The following SBF2 variants were observed in gnomAD, a reference collection of about 807,000 sequenced individuals.
SBF2 encodes SET binding factor 2.
Under a neutral mutation model 225.2 loss-of-function variants are expected in SBF2, and 112 were observed. That is an observed-to-expected ratio of 0.50 (90% CI 0.43 to 0.58). The LOEUF is 0.58. SBF2 is among the 20% of genes least tolerant of loss of function. SBF2 has a pLI of 0.00. For synonymous variants in SBF2, 763 were observed against 773.3 expected, an observed-to-expected ratio of 0.99 and a Z score of 0.22; for missense variants, 1,996 against 2,206.2, an observed-to-expected ratio of 0.90 and a Z score of 1.91.
chr11:10,180,995 G>GA (rs1009807669), intron 2 of SBF2, among the ~76,000 whole-genome samples: 24 of 151,840 alleles, frequency 1.6e-4, no homozygotes, highest in Non-Finnish European at 2.9e-4. Flanking sequence ...TCTATCTTTG[G>GA]AAAAAATAAA....
intron 16 of SBF2, among the ~76,000 whole-genome samples, chr11:9,931,953 A>C (rs1275200983): frequency 2.6e-5 from 4 of 152,250 alleles, no homozygotes; most frequent in Non-Finnish European, 5.9e-5. Context: ...GATGGAGCTG[A>C]AAACCATGGC....
chr11:9,826,891 T>C (rs893671520), intron 28 of SBF2, among the ~76,000 whole-genome samples: 2 of 151,988 alleles, frequency 1.3e-5, no homozygotes, highest in Non-Finnish European at 2.9e-5. Flanking sequence ...CTTGGCTCTA[T>C]GCAACCTCTG....
chr11:10,098,711 ACAC>A (rs1952153447), intron 2 of SBF2, among the ~76,000 whole-genome samples: 1 of 151,358 alleles, frequency 6.6e-6, no homozygotes, highest in Non-Finnish European at 1.5e-5. Context: ...ACACACACAC[ACAC>A]ACACACGAAA....
intron 8 of SBF2, among the ~76,000 whole-genome samples, chr11:9,999,806 G>A (rs1053828676): frequency 2.0e-5 from 3 of 152,084 alleles, no homozygotes; most frequent in African/African-American, 7.2e-5. Context: ...ATGACTATAC[G>A]AATGAAAGTC....
intron 3 of SBF2, among the ~76,000 whole-genome samples, chr11:10,038,506 T>C (rs1337619879): frequency 6.6e-6 from 1 of 151,972 alleles, no homozygotes; most frequent in Admixed American, 6.6e-5. Context: ...CTGAGTCTTT[T>C]AAACTCTGTA....
intron 1 of SBF2, among the ~76,000 whole-genome samples, chr11:10,290,396 TG>T (rs1964087075): frequency 6.6e-6 from 1 of 151,996 alleles, no homozygotes; most frequent in Non-Finnish European, 1.5e-5. Context: ...AGCAACTCAC[TG>T]GGGTGTGTCA....
At position 10,206,730 on chromosome 11, in the gene SBF2, G is replaced by A. The variant is rs762969451; in HGVS notation, c.56-12743C>T. On this transcript the variant is annotated intron_variant, in intron 1 of 39. Coordinates refer to ENST00000256190, the MANE Select transcript of SBF2 (RefSeq NM_030962.4). ...CTCACTGGATGGTTTCAATAGTAGAGTGAAAATGGCATAGCATAGAATCAG... is the reference window on the plus strand; with the variant it reads ...CTCACTGGATGGTTTCAATAGTAGAATGAAAATGGCATAGCATAGAATCAG... Among the ~76,000 whole-genome samples the A allele has an allele frequency of 7.2e-5, 11 of 152,056 alleles. 1 individual carries two copies. Among genetic ancestry groups the A allele is most frequent in the Non-Finnish European group, 1.5e-4 (10 of 68,002 alleles).
intron 16 of SBF2, among the ~76,000 whole-genome samples, chr11:9,909,389 C>T (rs1432901910): frequency 2.0e-5 from 3 of 151,718 alleles, no homozygotes; most frequent in African/African-American, 7.3e-5. Flanking sequence ...TACCCTGAGG[C>T]GGCTGGGCGC....
chr11:10,181,985 A>C (rs938318656), intron 2 of SBF2, among the ~76,000 whole-genome samples: 6 of 152,184 alleles, frequency 3.9e-5, no homozygotes, highest in African/African-American at 7.2e-5. Flanking sequence ...CATAAGTACC[A>C]CTAGAGGCCA....
intron 2 of SBF2, among the ~76,000 whole-genome samples, chr11:10,114,527 T>A (rs1469212383): frequency 1.3e-5 from 2 of 152,226 alleles, no homozygotes; most frequent in African/African-American, 4.8e-5. Flanking sequence ...TTCCTTCATA[T>A]TATGTAAGTC....
chr11:10,284,222 T>C (rs991698141), intron 1 of SBF2, among the ~76,000 whole-genome samples: 1 of 152,202 alleles, frequency 6.6e-6, no homozygotes, highest in African/African-American at 2.4e-5. Context: ...CAGGATATCA[T>C]ACAATCCACC....
chr11:10,037,320 T>TA, intron 3 of SBF2, among the ~76,000 whole-genome samples: 1 of 152,306 alleles, frequency 6.6e-6, no homozygotes, highest in South Asian at 2.1e-4. Flanking sequence ...TGAATTATGT[T>TA]ACGCATGCTA....
At position 10,303,850 on chromosome 11, in the gene SBF2, A is replaced by G. The variant is rs1017141496; in HGVS notation, n.386+642T>C. The G allele has an allele frequency of 6.6e-6, 1 of 152,344 alleles. No individual in the cohort carries two copies. The highest frequency in any genetic ancestry group is 2.4e-5 in the African/African-American group (1 of 41,462). 9.4% of individuals were successfully genotyped at this position (152,344 alleles called of 1,614,324 possible). A position where few individuals can be genotyped will look rare whatever the true frequency, so the allele number is the denominator to read the frequency against. On this transcript the variant is annotated intron_variant and non_coding_transcript_variant, in intron 1 of 5. Transcript: ENST00000685217. The surrounding 1 kb of genome is among the most constrained non-coding windows in gnomAD (Gnocchi z 5.2). Reference sequence around the variant, plus strand: ...CCAGGAGAGAAGTAAGAAAGAGAAGAAGCTGTGATGAAAGAGCACAAACGG... The same window carrying G: ...CCAGGAGAGAAGTAAGAAAGAGAAGGAGCTGTGATGAAAGAGCACAAACGG...
intron 28 of SBF2, chr11:9,828,507 C>T (rs1354425853): frequency 2.0e-6 from 2 of 985,316 alleles, no homozygotes; most frequent in African/African-American, 3.5e-5. Context: ...CCACTTTCTG[C>T]TTATGTTGAG....
intron 2 of SBF2, among the ~76,000 whole-genome samples, chr11:10,070,138 T>C (rs187676620): frequency 4.1e-4 from 62 of 152,364 alleles, no homozygotes; most frequent in Non-Finnish European, 2.5e-4. Flanking sequence ...TTTCTTTTGC[T>C]GGGCAGAAGC....
chr11:10,221,869 C>CT (rs1958350649), intron 1 of SBF2, among the ~76,000 whole-genome samples: 1 of 152,132 alleles, frequency 6.6e-6, no homozygotes, highest in African/African-American at 2.4e-5. Flanking sequence ...ACCTAAAACT[C>CT]TAAGATAAAC....
rs982582112 is a variant in SBF2 at position 10,151,509 on chromosome 11, G to A, written c.141+42393C>T. ...CCATTCACATAATTCCTTATAGATC[G>A]CAAAGTATACAGCAGGTTAATCTGA... On this transcript the variant is annotated intron_variant, in intron 2 of 39. Transcript: ENST00000256190. 5.3e-5 allele frequency among the ~76,000 whole-genome samples: 8 copies of A among 152,150 alleles called. No individual in the cohort carries two copies. In the East Asian group the frequency reaches 7.7e-4, roughly 15 times the overall value.
At chr11:9,966,575 C>T (rs1866926764) in intron 14 of SBF2, among the ~76,000 whole-genome samples, 1 of 151,796 alleles carries the variant, frequency 6.6e-6, no homozygotes, top group South Asian at 2.1e-4. Context: ...ATATTTCTTC[C>T]TCAATAGCTG....
chr11:10,272,549 A>G (rs1339178399), intron 1 of SBF2, among the ~76,000 whole-genome samples: 3 of 152,088 alleles, frequency 2.0e-5, no homozygotes, highest in Admixed American at 6.5e-5. Context: ...CAGCACTACC[A>G]AAGTGCGAAC....
Sources: gnomAD v4.1 joint callset for allele counts (sites outside exome capture counted in the v4.1 genomes callset) on GRCh38, gnomAD v4.1.1 for gene constraint, Gnocchi (gnomAD v3.1) non-coding constraint, MANE v1.5 for transcripts, NCBI Gene and HGNC (gene_info 2026-07-23, HGNC 2026-07-21) for gene names.